SGCZ: variants seen among roughly 807,000 people sequenced by gnomAD.
SGCZ encodes zeta-sarcoglycan.
In SGCZ, 40 loss-of-function variants were observed where a neutral mutation model predicts 41.3. The ratio of observed to expected loss-of-function variants is 0.97; its 90% CI spans 0.75 to 1.26. The LOEUF is 1.26. Ranked by LOEUF, SGCZ falls within the 50% of genes most tolerant of loss-of-function variation. The pLI is 0.00. For missense variants in SGCZ, 552 were observed against 369.8 expected, an observed-to-expected ratio of 1.49 and a Z score of -4.04; for synonymous variants, 206 against 137.5, an observed-to-expected ratio of 1.50 and a Z score of -3.49.
At chr8:15,209,154 A>G (rs961401313) in intron 1 of SGCZ, among the ~76,000 whole-genome samples, 35 of 152,150 alleles carry the variant, frequency 2.3e-4, no homozygotes, top group African/African-American at 8.2e-4. Flanking sequence ...ATGACTTCTA[A>G]AGCACCTTTT....
intron 1 of SGCZ, among the ~76,000 whole-genome samples, chr8:15,073,494 C>T (rs1368829628): frequency 1.3e-5 from 2 of 152,132 alleles, no homozygotes; most frequent in Non-Finnish European, 2.9e-5. Context: ...GGCTAGGCTA[C>T]GGTGCCCAGA....
At chr8:14,159,338 GT>G (rs541296645) in intron 5 of SGCZ, among the ~76,000 whole-genome samples, 315 of 152,130 alleles carry the variant, frequency 2.1e-3, no homozygotes, top group African/African-American at 7.3e-3. Context: ...TTTTCAAGAA[GT>G]TTTGCTTTCA....
At chr8:14,515,012 C>G (rs79746366) in intron 2 of SGCZ, among the ~76,000 whole-genome samples, 1 of 151,834 alleles carries the variant, frequency 6.6e-6, no homozygotes, top group African/African-American at 2.4e-5. Flanking sequence ...TAAATTACAT[C>G]AAGTATATTT....
chr8:14,759,317 G>A (rs911536037), intron 1 of SGCZ, among the ~76,000 whole-genome samples: 2 of 148,742 alleles, frequency 1.3e-5, no homozygotes, highest in African/African-American at 2.5e-5. Flanking sequence ...CCTTTTATCT[G>A]ATTTTTTAAA....
At chr8:15,225,253 T>C (rs1411793873) in intron 1 of SGCZ, among the ~76,000 whole-genome samples, 1 of 152,030 alleles carries the variant, frequency 6.6e-6, no homozygotes, top group South Asian at 2.1e-4. Flanking sequence ...CCTACCACAA[T>C]GCAATTTAGT....
intron 4 of SGCZ, among the ~76,000 whole-genome samples, chr8:14,170,818 A>C (rs572625556): frequency 6.6e-6 from 1 of 152,248 alleles, no homozygotes; most frequent in Non-Finnish European, 1.5e-5. Flanking sequence ...AGAAACAAAA[A>C]ATGGCATGTC....
At chr8:14,302,900 T>A (rs1259904379) in intron 3 of SGCZ, among the ~76,000 whole-genome samples, 1 of 152,200 alleles carries the variant, frequency 6.6e-6, no homozygotes, top group African/African-American at 2.4e-5. Context: ...TATCTGAATT[T>A]TCTTTTCAAT....
At chr8:14,913,333 A>G (rs910779332) in intron 1 of SGCZ, among the ~76,000 whole-genome samples, 7 of 152,088 alleles carry the variant, frequency 4.6e-5, no homozygotes, top group African/African-American at 1.7e-4. Context: ...TATCCAGAAC[A>G]ACACTGTCTT....
At chr8:14,576,940 T>A (rs1804729506) in intron 1 of SGCZ, among the ~76,000 whole-genome samples, 1 of 152,208 alleles carries the variant, frequency 6.6e-6, no homozygotes, top group Non-Finnish European at 1.5e-5. Context: ...CGTGAGGACA[T>A]TCATTCAAAG....
chr8:14,635,542 G>A (rs1187742463), intron 1 of SGCZ, among the ~76,000 whole-genome samples: 2 of 151,878 alleles, frequency 1.3e-5, no homozygotes, highest in Non-Finnish European at 2.9e-5. Context: ...AATATTCAGT[G>A]GAAAATTCCA....
At chr8:14,121,692 T>G (rs953613133) in intron 5 of SGCZ, among the ~76,000 whole-genome samples, 3 of 152,172 alleles carry the variant, frequency 2.0e-5, no homozygotes, top group African/African-American at 7.2e-5. Context: ...AGTATATAGT[T>G]TCTCTAATAG....
chr8:15,156,067 A>AAAAAG (rs951099085), intron 1 of SGCZ, among the ~76,000 whole-genome samples: 3 of 151,868 alleles, frequency 2.0e-5, no homozygotes, highest in African/African-American at 7.3e-5. Context: ...CAAAAAAAAA[A>AAAAAG]AAAAAAAATA....
intron 3 of SGCZ, among the ~76,000 whole-genome samples, chr8:14,257,939 C>T (rs1799522570): frequency 6.6e-6 from 1 of 152,050 alleles, no homozygotes; most frequent in Non-Finnish European, 1.5e-5. Flanking sequence ...TATCTACCTA[C>T]CAATTCAAGA....
Position 14,761,542 on chromosome 8 carries a change from T to TA in SGCZ, c.40-206617_40-206616insT, listed in dbSNP as rs1219656247. Among the ~76,000 whole-genome samples the TA allele has an allele frequency of 4.3e-3, 643 of 149,234 alleles. 3 individuals are homozygous for TA. Among genetic ancestry groups the TA allele is most frequent in the African/African-American group, 0.015 (617 of 40,852 alleles). On this transcript the variant is annotated intron_variant, in intron 1 of 7. Transcript: ENST00000382080. ...TATTTTATTTATTTATTTATTTATT[T>TA]TTTTTTTGAGAGGGAGTCTCTCCCT...
rs1183866512 is a variant in SGCZ at position 14,747,879 on chromosome 8, A to T, written c.40-192953T>A. Among the ~76,000 whole-genome samples the T allele has an allele frequency of 5.4e-5, 7 of 130,306 alleles. No individual in the cohort carries two copies. The East Asian group carries it at 6.7e-4, about 12-fold the overall frequency. 85.5% of individuals were successfully genotyped at this position (130,306 alleles called of 152,430 possible). A position where few individuals can be genotyped will look rare whatever the true frequency, so the allele number is the denominator to read the frequency against. On this transcript the variant is annotated intron_variant, in intron 1 of 7. Coordinates refer to ENST00000382080, the MANE Select transcript of SGCZ (RefSeq NM_139167.4). ...AGGCACCCACCACCACAACTGACTA[A>T]TTTTTTTTTTTTTTTTTTGTATTTT... is the stretch of plus-strand genomic sequence containing the variant.
intron 1 of SGCZ, among the ~76,000 whole-genome samples, chr8:14,756,268 C>G (rs937713444): frequency 6.8e-6 from 1 of 147,806 alleles, no homozygotes; most frequent in African/African-American, 2.5e-5. Context: ...TCACCACAAT[C>G]TCCGCCTCCC....
chr8:14,443,231 C>T (rs1355387541), intron 2 of SGCZ, among the ~76,000 whole-genome samples: 1 of 152,164 alleles, frequency 6.6e-6, no homozygotes, highest in Admixed American at 6.5e-5. Flanking sequence ...AATGGCCATA[C>T]TGCCCAAGGT....
chr8:14,133,553 G>A (rs776980869), intron 5 of SGCZ, among the ~76,000 whole-genome samples: 2 of 152,166 alleles, frequency 1.3e-5, no homozygotes, highest in Non-Finnish European at 2.9e-5. Flanking sequence ...TCTGTTCTAA[G>A]AACACTAATT....
At chr8:14,690,743 C>G (rs1396010511) in intron 1 of SGCZ, 3 of 152,050 alleles carry the variant, frequency 2.0e-5, no homozygotes, top group East Asian at 1.9e-4. Context: ...GAATATGGCT[C>G]TAGGTAAAAC....
Sources: allele counts gnomAD v4.1 joint callset (sites outside exome capture counted in the v4.1 genomes callset), GRCh38; gene constraint gnomAD v4.1.1; transcripts MANE v1.5; gene names NCBI Gene and HGNC (gene_info 2026-07-23, HGNC 2026-07-21).